Variants in CAD observed in about 807,000 individuals in gnomAD.
The protein encoded by CAD is carbamoyl-phosphate synthetase 2, aspartate transcarbamylase, and dihydroorotase, also known as multifunctional protein CAD.
A neutral mutation model predicts 237.2 loss-of-function variants in CAD; 81 were observed. The ratio of observed to expected loss-of-function variants is 0.34; its 90% CI spans 0.29 to 0.41. CAD has a LOEUF of 0.41. CAD is among the 10% of genes least tolerant of loss of function. CAD has a pLI of 1.00. For synonymous variants in CAD, 1,196 were observed against 1,162.8 expected (o/e 1.03, Z -0.58); for missense variants, 2,181 against 2,951.7 (o/e 0.74, Z 6.05).
At chr2:27,231,437 C>T (rs766296540) in intron 15 of CAD, 31 bp from the exon 16 acceptor site, 1 of 1,307,270 alleles carries the variant, frequency 7.6e-7, no homozygotes, top group Non-Finnish European at 1.1e-6. Context: ...TCCACCTCCA[C>T]ACCTTCATTC....
At position 27,242,291 on chromosome 2, in the gene CAD, C is replaced by CT. The variant is rs754310828; in HGVS notation, c.6097-5dup. 3.1e-6 allele frequency: 5 copies of CT among 1,603,856 alleles called. No homozygotes were observed. The highest frequency in any genetic ancestry group is 1.3e-5 in the African/African-American group (1 of 74,702). On this transcript the variant is annotated splice_polypyrimidine_tract_variant and intron_variant, in intron 39 of 43. Transcript: ENST00000264705. The surrounding 1 kb of genome is among the most constrained non-coding windows in gnomAD (Gnocchi z 6.4). ...GAGCTGCAAAAGACAGGATTTTCCC[C>CT]TTTTTTCCAGCTGGCCGCCAAGCAC...
At chr2:27,243,387 T>A in intron 43 of CAD, 29 bp from the exon 44 acceptor site, 1 of 1,544,068 alleles carries the variant, frequency 6.5e-7, no homozygotes, top group Admixed American at 1.8e-5. Flanking sequence ...ACGATAACAC[T>A]TCCTTTTTTT....
chr2:27,236,212 CCT>C lies in CAD; in HGVS notation c.4075-68_4075-67del, dbSNP rs1675994177. The C allele has an allele frequency of 3.2e-6, 5 of 1,572,118 alleles. No individual in the cohort carries two copies. The South Asian group carries it at 4.8e-5, about 15-fold the overall frequency. On this transcript the variant is annotated intron_variant, in intron 25 of 43. Transcript: ENST00000264705. The surrounding 1 kb of genome is among the most constrained non-coding windows in gnomAD (Gnocchi z 4.1). ...CTCATCATGGGCTCCTGGGCCAGCT[CCT>C]CTCCCTTAAGGCTAGCCTTCCTGAC...
Position 27,241,827 on chromosome 2 carries a change from TGTCA to T in CAD, c.5884-81_5884-78del. On this transcript the variant is annotated intron_variant, in intron 38 of 43. Transcript: ENST00000264705. The surrounding 1 kb of genome is among the most constrained non-coding windows in gnomAD (Gnocchi z 4.6). The stretch of plus-strand genomic sequence containing the variant: ...AAGGGTCCTCACAGCACCCCTCAAG[TGTCA>T]GTTGGGGTGGTGGTGCCTAGCTGGG... The T allele has an allele frequency of 9.2e-7, 1 of 1,088,374 alleles. No individual in the cohort carries two copies. The highest frequency in any genetic ancestry group is 1.4e-5 in the South Asian group (1 of 70,280). The allele number at this position is 1,088,374 out of a possible 1,614,324, so 67.4% of individuals were successfully genotyped here. A position where few individuals can be genotyped will look rare whatever the true frequency, so the allele number is the denominator to read the frequency against.
rs927416714 is a variant in CAD at position 27,240,816 on chromosome 2, A to G, written c.5594-95A>G. On this transcript the variant is annotated intron_variant, in intron 35 of 43. Transcript: ENST00000264705. The surrounding 1 kb of genome is among the most constrained non-coding windows in gnomAD (Gnocchi z 4.6). The stretch of plus-strand genomic sequence containing the variant: ...ATATTACTGTGTTGTGAATTGGTTT[A>G]ACATATACACTGTGATTCAGAGTTC... The G allele has an allele frequency of 7.1e-7, 1 of 1,413,636 alleles. No homozygotes were observed. Among genetic ancestry groups the G allele is most frequent in the African/African-American group, 1.4e-5 (1 of 70,998 alleles). 87.6% of individuals were successfully genotyped at this position (1,413,636 alleles called of 1,614,324 possible). A position where few individuals can be genotyped will look rare whatever the true frequency, so the allele number is the denominator to read the frequency against.
In CAD at chr2:27,239,236, T is replaced by C; in HGVS notation, c.5253+4T>C. ...GCAGGAGGACACCTATGTGGAGGTG[T>C]GGGGATGAGGCCCAGAGCAGGAGGG... On this transcript the variant is annotated splice_donor_region_variant and intron_variant, in intron 32 of 43. Transcript: ENST00000264705. This position sits in a 1 kb window ranked among gnomAD's most constrained non-coding sequence, Gnocchi z 4.0. 1.2e-6 allele frequency: 2 copies of C among 1,603,072 alleles called. No homozygotes were observed. Among genetic ancestry groups the C allele is most frequent in the Non-Finnish European group, 1.7e-6 (2 of 1,172,160 alleles).
In CAD at chr2:27,225,298, A is replaced by ATTTT. The variant is rs1675381150; in HGVS notation, c.1620+56_1620+59dup. On this transcript the variant is annotated intron_variant, in intron 11 of 43. Transcript: ENST00000264705. Reference sequence around the variant, plus strand: ...TGGTGGTGTTTTTTTTGGTAGTGTTATTTTCTTTTTTTTTTTTTTTTTTTT... The same window carrying ATTTT: ...TGGTGGTGTTTTTTTTGGTAGTGTTATTTTTTTTCTTTTTTTTTTTTTTTTTTTT... 7 of 566,332 alleles carry ATTTT rather than the reference A, an allele frequency of 1.2e-5. No homozygotes were observed. The African/African-American group carries it at 1.3e-4, about 10-fold the overall frequency. The allele number at this position is 566,332 out of a possible 1,614,324, so 35.1% of individuals were successfully genotyped here.
chr2:27,241,281 T>C lies in CAD; in HGVS notation c.5809-41T>C. On this transcript the variant is annotated intron_variant, in intron 37 of 43. Coordinates refer to ENST00000264705, the MANE Select transcript of CAD (RefSeq NM_004341.5). This position sits in a 1 kb window ranked among gnomAD's most constrained non-coding sequence, Gnocchi z 4.6. Reference sequence around the variant, plus strand: ...CCAGAGCTTTGAGGATTTGGAAAGCTGGGGCTAGGACCTTTCTAGCTAACT... The same window carrying C: ...CCAGAGCTTTGAGGATTTGGAAAGCCGGGGCTAGGACCTTTCTAGCTAACT... 7.4e-6 allele frequency: 12 copies of C among 1,613,856 alleles called. No individual in the cohort carries two copies. Among genetic ancestry groups the C allele is most frequent in the African/African-American group, 1.3e-5 (1 of 75,026 alleles).
chr2:27,223,844 C>A, intron 7 of CAD, 73 bp from the exon 8 acceptor site: 1 of 1,542,280 alleles, frequency 6.5e-7, no homozygotes, highest in Non-Finnish European at 9.0e-7. Context: ...TCCCCTGTCC[C>A]ACTACCCACC....
In CAD at chr2:27,234,684, A is replaced by G; in HGVS notation, c.3785A>G (p.Lys1262Arg). Residue 1262 changes from lysine (K) to arginine (R), a missense_variant and splice_region_variant, in exon 23 of 44, where the codon AAG becomes AGG. Coordinates refer to ENST00000264705, the MANE Select transcript of CAD (RefSeq NM_004341.5). ...LMTGSGVVGVKVPQFSFSRLA... is the reference protein window; with the variant it reads ...LMTGSGVVGVRVPQFSFSRLA... ...ACTGGTTCTGGAGTCGTGGGAGTAA[A>G]GGTAAGGAATATCGAAACCCTTGGG... is the stretch of plus-strand genomic sequence containing the variant. 6.2e-7 allele frequency: 1 copy of G among 1,613,702 alleles called. No homozygotes were observed.
In CAD at chr2:27,225,789, T is replaced by G. The variant is rs763848571; in HGVS notation, c.1705T>G (p.Ser569Ala). The G allele has an allele frequency of 1.9e-6, 3 of 1,614,088 alleles. No homozygotes were observed. The highest frequency in any genetic ancestry group is 4.5e-5 in the East Asian group (2 of 44,880). The change falls in exon 12 of 44, where the codon TCT becomes GCT. Residue 569 changes from serine to alanine, a missense_variant. By Grantham distance (99) the Ser-to-Ala change is moderately conservative. Coordinates refer to ENST00000264705, the MANE Select transcript of CAD (RefSeq NM_004341.5). ...GGGTGGCCTGGGCTCTGGCTTTGCC[T>G]CTAACAGGGAGGAGCTCTCTGCTCT... The part of the protein sequence containing the change: ...ALGGLGSGFA[S>A]NREELSALVA...
intron 30 of CAD, 49 bp downstream of exon 30, chr2:27,238,236 A>G: frequency 6.2e-7 from 1 of 1,601,906 alleles, no homozygotes; most frequent in Non-Finnish European, 8.5e-7. Flanking sequence ...TCCCAGTAAC[A>G]CCAAAGGTCA....
At position 27,236,550 on chromosome 2, in the gene CAD, G is replaced by T; in HGVS notation, c.4314+27G>T. 1 of 1,606,444 alleles carries T rather than the reference G, an allele frequency of 6.2e-7. No individual in the cohort carries two copies. The highest frequency in any genetic ancestry group is 8.5e-7 in the Non-Finnish European group (1 of 1,178,430). Reference sequence around the variant, plus strand: ...TAACTGAGACCCATGTGCTGGGAGGGAGACTGCCAGTGTTGATGGGAAGAA... The same window carrying T: ...TAACTGAGACCCATGTGCTGGGAGGTAGACTGCCAGTGTTGATGGGAAGAA... On this transcript the variant is annotated intron_variant, in intron 26 of 43. Transcript: ENST00000264705. This position sits in a 1 kb window ranked among gnomAD's most constrained non-coding sequence, Gnocchi z 4.1.
rs753478495 is a variant in CAD at position 27,223,612 on chromosome 2, C to T, written c.859C>T (p.Arg287Cys). 32 of 1,613,564 alleles carry T rather than the reference C, an allele frequency of 2.0e-5. No homozygotes were observed. The highest frequency in any genetic ancestry group is 1.7e-4 in the Middle Eastern group (1 of 5,750). The change falls in exon 7 of 44, where the codon CGC becomes TGC. Residue 287 changes from arginine (R) to cysteine (C), a missense_variant. By Grantham distance (180) the Arg-to-Cys change is radical (BLOSUM62 -3). Coordinates refer to ENST00000264705, the MANE Select transcript of CAD (RefSeq NM_004341.5). ...GCCCTGCTTGTTGGTGGGCTCTGGGCGCTGCTTTCTGACATCCCAGAACCA... is the reference window on the plus strand; with the variant it reads ...GCCCTGCTTGTTGGTGGGCTCTGGGTGCTGCTTTCTGACATCCCAGAACCA... ...NQPCLLVGSG[R>C]CFLTSQNHGF...
In CAD at chr2:27,224,368, C is replaced by G. The variant is rs1314846266; in HGVS notation, c.1132C>G (p.Leu378Val). Residue 378 changes from leucine (L) to valine (V), a missense_variant, in exon 9 of 44, where the codon CTC becomes GTC. Transcript: ENST00000264705. ...AGTTAGAGAGCGGCTGACTGAGCGC[C>G]TCTGTCCCCCTGGGATTCCCACTCC... ...QTVRERLTERLCPPGIPTPGS... is the reference protein window; with the variant it reads ...QTVRERLTERVCPPGIPTPGS... 1 of 1,614,228 alleles carries G rather than the reference C, an allele frequency of 6.2e-7. No homozygotes were observed. Among genetic ancestry groups the G allele is most frequent in the East Asian group, 2.2e-5 (1 of 44,884 alleles).
chr2:27,237,695 T>C lies in CAD; in HGVS notation c.4564-23T>C, dbSNP rs1481266368. 4 of 1,605,370 alleles carry C rather than the reference T, an allele frequency of 2.5e-6. No individual in the cohort carries two copies. In the African/African-American group the frequency reaches 4.0e-5, roughly 16 times the overall value. On this transcript the variant is annotated intron_variant, in intron 28 of 43. Transcript: ENST00000264705. The surrounding 1 kb of genome is among the most constrained non-coding windows in gnomAD (Gnocchi z 4.0). ...GTGTGGGCATGGGTGCCAGTGAGCCTTACCTCTGTGTATCCTCTCCAGCTG... is the reference window on the plus strand; with the variant it reads ...GTGTGGGCATGGGTGCCAGTGAGCCCTACCTCTGTGTATCCTCTCCAGCTG...
rs1293780379 is a variant in CAD, at chr2:27,241,329, A to C, written c.5816A>C (p.His1939Pro). The C allele has an allele frequency of 6.2e-6, 10 of 1,613,966 alleles. No homozygotes were observed. The highest frequency in any genetic ancestry group is 8.5e-6 in the Non-Finnish European group (10 of 1,180,002). ...VQQFTKDQMSHLFNVAHTLRM... is the reference protein window; with the variant it reads ...VQQFTKDQMSPLFNVAHTLRM... ...ACTTGGGCTCTTTCTTAGATGTCTC[A>C]CCTGTTCAATGTGGCACACACACTG... The change falls in exon 38 of 44, where the codon CAC becomes CCC. Residue 1939 changes from histidine to proline, a missense_variant. Physicochemically the swap from His to Pro is moderately conservative, Grantham distance 77. This residue lies in a region of CAD where 203 missense variants were observed against 284.5 expected (regional missense o/e 0.71). Transcript: ENST00000264705. This position sits in a 1 kb window ranked among gnomAD's most constrained non-coding sequence, Gnocchi z 4.6.
chr2:27,242,481 G>A lies in CAD; in HGVS notation c.6222+54G>A. On this transcript the variant is annotated intron_variant, in intron 40 of 43. Transcript: ENST00000264705. The surrounding 1 kb of genome is among the most constrained non-coding windows in gnomAD (Gnocchi z 6.4). Reference sequence around the variant, plus strand: ...TGCCAGGGGACGATCTAGAGAGGGAGGCAGGAAGTGGTTACCCCGGTACAG... The same window carrying A: ...TGCCAGGGGACGATCTAGAGAGGGAAGCAGGAAGTGGTTACCCCGGTACAG... 10 of 1,593,540 alleles carry A rather than the reference G, an allele frequency of 6.3e-6. No homozygotes were observed. The South Asian group carries it at 1.1e-4, about 18-fold the overall frequency.
At position 27,236,373 on chromosome 2, in the gene CAD, CTT is replaced by C; in HGVS notation, c.4166_4167del (p.Phe1389Ter). On this transcript the variant is annotated frameshift_variant, in exon 26 of 44. Transcript: ENST00000264705. LOFTEE classifies it high-confidence loss of function. The surrounding 1 kb of genome is among the most constrained non-coding windows in gnomAD (Gnocchi z 4.1). ...SILEQLAEKN[F>X]ELVINLSMRG... ...TCCTGGAGCAGCTAGCTGAGAAAAA[CTT>C]TGAGCTGGTGATTAACCTGTCAATG... 6.2e-7 allele frequency: 1 copy of C among 1,614,246 alleles called. No individual in the cohort carries two copies. Among genetic ancestry groups the C allele is most frequent in the Non-Finnish European group, 8.5e-7 (1 of 1,180,050 alleles).
Sources: allele counts gnomAD v4.1 joint callset, GRCh38; gene constraint gnomAD v4.1.1; regional missense constraint gnomAD v4.1.1; non-coding constraint Gnocchi (gnomAD v3.1); transcripts MANE v1.5; gene names NCBI Gene and HGNC (gene_info 2026-07-23, HGNC 2026-07-21).